GSTM4: variants seen among roughly 807,000 people sequenced by gnomAD.
The protein encoded by GSTM4 is GST class-mu 4.
Under a neutral mutation model 30.1 loss-of-function variants are expected in GSTM4, and 27 were observed. The observed-to-expected ratio is 0.90, with a 90% confidence interval of 0.66 to 1.24. The LOEUF (loss-of-function observed/expected upper bound fraction) is 1.24. Ranked by LOEUF, GSTM4 falls within the 50% of genes most tolerant of loss-of-function variation. GSTM4 has a pLI of 0.00. For synonymous variants in GSTM4, 94 were observed against 96.2 expected (o/e 0.98, Z 0.13); for missense variants, 238 against 272.1 (o/e 0.87, Z 0.88).
chr1:109,659,041 C>T lies in GSTM4; in HGVS notation c.498C>T (p.Leu166=). The T allele has an allele frequency of 6.2e-7, 1 of 1,614,196 alleles. No homozygotes were observed. Among genetic ancestry groups the T allele is most frequent in the Non-Finnish European group, 8.5e-7 (1 of 1,180,032 alleles). Residue 166 remains leucine, a synonymous_variant, in exon 7 of 8, where the codon CTC becomes CTT. Transcript: ENST00000369836. ...VDFLAYDVLD[L]HRIFEPNCLD... is the part of the protein sequence containing the mutation. ...TCCTCGCCTATGATGTCCTTGACCTCCACCGTATATTTGAGCCCAACTGCT... is the reference window on the plus strand; with the variant it reads ...TCCTCGCCTATGATGTCCTTGACCTTCACCGTATATTTGAGCCCAACTGCT...
chr1:109,658,975 C>A, intron 6 of GSTM4, 25 bp from the exon 7 acceptor site: 1 of 1,613,152 alleles, frequency 6.2e-7, no homozygotes, highest in South Asian at 1.1e-5. Context: ...GAGATTCCAG[C>A]CCACACATTC....
At chr1:109,664,858 C>T (rs1647255294), downstream of GSTM4, among the ~76,000 whole-genome samples, 1 of 152,142 alleles carries the variant, frequency 6.6e-6, no homozygotes, top group African/African-American at 2.4e-5. Context: ...TATGAATCTA[C>T]CCGTCCTTGA....
chr1:109,664,332 A>G (rs1358925624), downstream of GSTM4, among the ~76,000 whole-genome samples: 2 of 106,064 alleles, frequency 1.9e-5, no homozygotes, highest in African/African-American at 3.1e-5. Flanking sequence ...TGCTCTCTAG[A>G]GAGAATAGCT....
chr1:109,661,397 T>C lies in GSTM4; in HGVS notation c.*143T>C, dbSNP rs1063579. On this transcript the variant is annotated 3_prime_UTR_variant, in exon 8 of 8. Transcript: ENST00000369836. ...ATTCCCATCTTTACCCCCAAGACTT[T>C]ATTGGGCCTCTTCACTTCCCCTAAA... 2.4e-3 allele frequency: 3,665 copies of C among 1,525,520 alleles called. 80 individuals are homozygous for C. In the African/African-American group the frequency reaches 0.033, roughly 14 times the overall value. The allele number at this position is 1,525,520 out of a possible 1,614,324, so 94.5% of individuals were successfully genotyped here.
downstream of GSTM4, chr1:109,664,997 T>C: frequency 6.2e-7 from 1 of 1,611,374 alleles, no homozygotes; most frequent in Middle Eastern, 1.7e-4. Context: ...TAATTAATTA[T>C]GATTCTGTTC....
rs765712268 is a variant in GSTM4 at position 109,656,776 on chromosome 1, C to T, written c.101C>T (p.Thr34Met). 3.0e-5 allele frequency: 49 copies of T among 1,613,646 alleles called. No homozygotes were observed. Among genetic ancestry groups the T allele is most frequent in the Non-Finnish European group, 4.0e-5 (47 of 1,179,686 alleles). The part of the protein sequence containing the change: ...TDSSYEEKKY[T>M]MGDAPDYDRS... ...TCAAGCTACGAGGAAAAGAAGTATA[C>T]GATGGGGGACGGTAATGACACCCTT... The change falls in exon 2 of 8, where the codon ACG becomes ATG. Residue 34 changes from threonine (T) to methionine (M), a missense_variant. Transcript: ENST00000369836.
At chr1:109,656,573 TG>T in intron 1 of GSTM4, 138 bp from the exon 2 acceptor site, 3 of 682,206 alleles carry the variant, frequency 4.4e-6, no homozygotes, top group Non-Finnish European at 7.6e-6. Context: ...TGTGTGTGTG[TG>T]TGTGTGTGTG....
At chr1:109,661,053 C>T in intron 7 of GSTM4, 112 bp from the exon 8 acceptor site, 1 of 1,473,976 alleles carries the variant, frequency 6.8e-7, no homozygotes, top group South Asian at 1.2e-5. Context: ...GCACTTGAGC[C>T]CACGTGGAAA....
chr1:109,656,469 G>T (rs1426921250), intron 1 of GSTM4, 44 bp downstream of exon 1: 1 of 1,610,942 alleles, frequency 6.2e-7, no homozygotes, highest in Admixed American at 1.7e-5. Context: ...CGCGTGGGCG[G>T]GAAGTGCCGA....
In GSTM4 at chr1:109,656,401, A is replaced by G. The variant is rs769221461; in HGVS notation, c.12A>G (p.Thr4=). ...CACCAACCAGCATCATGTCCATGAC[A>G]CTGGGGTACTGGGACATCCGCGGGG... The part of the protein sequence containing the change: MSM[T]LGYWDIRGLA... The change falls in exon 1 of 8, where the codon ACA becomes ACG. Residue 4 remains threonine (T), a synonymous_variant. Coordinates refer to ENST00000369836, the MANE Select transcript of GSTM4 (RefSeq NM_000850.5). The G allele has an allele frequency of 1.2e-6, 2 of 1,613,002 alleles. No homozygotes were observed. The highest frequency in any genetic ancestry group is 8.5e-7 in the Non-Finnish European group (1 of 1,179,200).
downstream of GSTM4, chr1:109,661,727 C>G (rs1315354793): frequency 9.6e-7 from 1 of 1,044,388 alleles, no homozygotes. Context: ...CTTATTTGCT[C>G]CTGGCTGCCC....
At chr1:109,667,545 T>C (rs1647371169), downstream of GSTM4, among the ~76,000 whole-genome samples, 1 of 152,186 alleles carries the variant, frequency 6.6e-6, no homozygotes, top group Non-Finnish European at 1.5e-5. Flanking sequence ...GAGGCGGTAT[T>C]CCTGACGTTT....
chr1:109,658,444 G>A (rs1652135087), intron 5 of GSTM4: 1 of 268,662 alleles, frequency 3.7e-6, no homozygotes, highest in Non-Finnish European at 7.1e-6. Context: ...ACTGCACTAG[G>A]AGGAACTTTC....
At chr1:109,662,300 T>C (rs1652349326), downstream of GSTM4, among the ~76,000 whole-genome samples, 1 of 152,228 alleles carries the variant, frequency 6.6e-6, no homozygotes, top group Non-Finnish European at 1.5e-5. Context: ...GAGTACGTCT[T>C]AGATGCCCAG....
chr1:109,659,041 C>G lies in GSTM4; in HGVS notation c.498C>G (p.Leu166=), dbSNP rs1426874170. The G allele has an allele frequency of 1.2e-6, 2 of 1,614,196 alleles. No individual in the cohort carries two copies. Among genetic ancestry groups the G allele is most frequent in the South Asian group, 2.2e-5 (2 of 91,082 alleles). ...VDFLAYDVLD[L]HRIFEPNCLD... is the part of the protein sequence containing the mutation. ...TCCTCGCCTATGATGTCCTTGACCTCCACCGTATATTTGAGCCCAACTGCT... is the reference window on the plus strand; with the variant it reads ...TCCTCGCCTATGATGTCCTTGACCTGCACCGTATATTTGAGCCCAACTGCT... The change falls in exon 7 of 8, where the codon CTC becomes CTG. Residue 166 remains leucine, a synonymous_variant. Coordinates refer to ENST00000369836, the MANE Select transcript of GSTM4 (RefSeq NM_000850.5).
downstream of GSTM4, among the ~76,000 whole-genome samples, chr1:109,666,524 A>G (rs1647327781): frequency 6.6e-6 from 1 of 152,160 alleles, no homozygotes; most frequent in Non-Finnish European, 1.5e-5. Flanking sequence ...TCCACCTGGT[A>G]GACCATTTCC....
downstream of GSTM4, chr1:109,661,721 T>C: frequency 9.5e-7 from 1 of 1,051,966 alleles, no homozygotes; most frequent in Non-Finnish European, 1.2e-6. Flanking sequence ...TCTTGTCTTA[T>C]TTGCTCCTGG....
At position 109,661,494 on chromosome 1, in the gene GSTM4, T is replaced by G; in HGVS notation, c.*240T>G. ...TTCATGAACATCCCCCTCCCAACACTACCCTTCCCTGCACTAAAGCCAGCC... is the reference window on the plus strand; with the variant it reads ...TTCATGAACATCCCCCTCCCAACACGACCCTTCCCTGCACTAAAGCCAGCC... On this transcript the variant is annotated 3_prime_UTR_variant, in exon 8 of 8. Coordinates refer to ENST00000369836, the MANE Select transcript of GSTM4 (RefSeq NM_000850.5). The G allele has an allele frequency of 7.3e-7, 1 of 1,367,038 alleles. No individual in the cohort carries two copies. The highest frequency in any genetic ancestry group is 9.5e-7 in the Non-Finnish European group (1 of 1,053,600). The allele number at this position is 1,367,038 out of a possible 1,614,324, so 84.7% of individuals were successfully genotyped here.
At chr1:109,656,477 C>T (rs748948251) in intron 1 of GSTM4, 52 bp downstream of exon 1, 5 of 1,604,258 alleles carry the variant, frequency 3.1e-6, no homozygotes, top group African/African-American at 1.3e-5. Context: ...CGGGAAGTGC[C>T]GAGCGGCTGG....
Sources: gnomAD v4.1 joint callset for allele counts (sites outside exome capture counted in the v4.1 genomes callset) on GRCh38, gnomAD v4.1.1 for gene constraint, MANE v1.5 for transcripts, NCBI Gene and HGNC (gene_info 2026-07-23, HGNC 2026-07-21) for gene names.